The following IQSEC1 variants were observed in gnomAD, a reference collection of about 807,000 sequenced individuals.
IQSEC1 encodes the protein IQ motif and SEC7 domain-containing protein 1.
Under a neutral mutation model 91.0 loss-of-function variants are expected in IQSEC1, and 31 were observed. The ratio of observed to expected loss-of-function variants is 0.34; its 90% CI spans 0.26 to 0.46. The LOEUF (loss-of-function observed/expected upper bound fraction) is 0.46, where lower values mean the gene tolerates loss of function less well. Ranked by LOEUF, IQSEC1 falls within the 20% of genes least tolerant of loss-of-function variation. The pLI is 1.00. For synonymous variants in IQSEC1, 699 were observed against 662.6 expected (o/e 1.05, Z -0.84); for missense variants, 1,388 against 1,575.6 (o/e 0.88, Z 2.02).
At chr3:13,004,480 C>A (rs1702550619) in intron 1 of IQSEC1, among the ~76,000 whole-genome samples, 1 of 152,132 alleles carries the variant, frequency 6.6e-6, no homozygotes, top group Admixed American at 6.5e-5. Context: ...AGATCTGGAG[C>A]CTTGGAGGGC....
intron 2 of IQSEC1, among the ~76,000 whole-genome samples, chr3:13,100,929 C>T (rs1248044736): frequency 6.7e-6 from 1 of 148,406 alleles, no homozygotes; most frequent in Non-Finnish European, 1.5e-5. Context: ...GAGGGCCTCC[C>T]CGAGAGGCAA....
At chr3:13,186,943 C>G (rs979533166) in intron 1 of IQSEC1, among the ~76,000 whole-genome samples, 1 of 152,148 alleles carries the variant, frequency 6.6e-6, no homozygotes, top group African/African-American at 2.4e-5. Context: ...TGCCCTTCCT[C>G]TCTTCCATGG....
chr3:12,989,626 C>T (rs1404542490), intron 1 of IQSEC1, among the ~76,000 whole-genome samples: 1 of 152,204 alleles, frequency 6.6e-6, no homozygotes, highest in Non-Finnish European at 1.5e-5. Context: ...CCATCCATGA[C>T]TCTGAAGCCC....
chr3:13,100,711 C>T (rs1343229724), intron 2 of IQSEC1, among the ~76,000 whole-genome samples: 1 of 149,052 alleles, frequency 6.7e-6, no homozygotes, highest in Non-Finnish European at 1.5e-5. Flanking sequence ...GAATTCCTGC[C>T]GAGCCTCACA....
chr3:13,013,241 C>T (rs1702971719), intron 1 of IQSEC1, among the ~76,000 whole-genome samples: 1 of 152,212 alleles, frequency 6.6e-6, no homozygotes, highest in African/African-American at 2.4e-5. Context: ...CTCTTAACCA[C>T]AGCCTGACCA....
intron 2 of IQSEC1, among the ~76,000 whole-genome samples, chr3:13,123,175 G>A (rs1294661644): frequency 2.6e-5 from 4 of 152,250 alleles, no homozygotes; most frequent in Non-Finnish European, 5.9e-5. Context: ...TTGGTTTTGA[G>A]ATACTTGGCT....
chr3:13,001,506 G>A (rs1702423124), intron 1 of IQSEC1, among the ~76,000 whole-genome samples: 1 of 152,212 alleles, frequency 6.6e-6, no homozygotes, highest in Non-Finnish European at 1.5e-5. Flanking sequence ...TACACTGGAA[G>A]GTCCTGTGAT....
chr3:13,061,118 G>A (rs372369728), intron 1 of IQSEC1, among the ~76,000 whole-genome samples: 62 of 152,244 alleles, frequency 4.1e-4, no homozygotes, highest in Middle Eastern at 3.4e-3. Context: ...CTGAGAAGTT[G>A]CTCTTGCTCA....
chr3:13,075,792 C>T (rs1032506974), upstream of IQSEC1, among the ~76,000 whole-genome samples: 4 of 152,102 alleles, frequency 2.6e-5, no homozygotes, highest in South Asian at 2.1e-4. Context: ...TATCCAGCGC[C>T]GGACCAGGCA....
At chr3:12,931,587 G>C (rs958135412) in intron 3 of IQSEC1, among the ~76,000 whole-genome samples, 3 of 152,210 alleles carry the variant, frequency 2.0e-5, no homozygotes, top group African/African-American at 7.2e-5. Context: ...TAAACACAAG[G>C]AGCACAGAGC....
intron 2 of IQSEC1, among the ~76,000 whole-genome samples, chr3:13,141,687 G>A (rs1050661721): frequency 3.9e-5 from 6 of 152,156 alleles, no homozygotes; most frequent in Admixed American, 1.3e-4. Context: ...ATCCCTCAGA[G>A]GGACCCCTCC....
rs1462852404 is a variant in IQSEC1 at position 13,227,736 on chromosome 3, G to A, written c.272+54975C>T. On this transcript the variant is annotated intron_variant, in intron 1 of 15. Transcript: ENST00000648114. ...GGGGCAGATTCCGAAGGGGTCCACC[G>A]TCATTCACTAGTGGCTGACAGGGGG... Among the ~76,000 whole-genome samples, 4 of 152,296 alleles carry A rather than the reference G, an allele frequency of 2.6e-5. No homozygotes were observed. The East Asian group carries it at 5.8e-4, about 22-fold the overall frequency.
At chr3:13,053,895 C>T (rs1057249393) in intron 1 of IQSEC1, among the ~76,000 whole-genome samples, 7 of 152,210 alleles carry the variant, frequency 4.6e-5, no homozygotes, top group African/African-American at 1.7e-4. Flanking sequence ...AATTATCCAC[C>T]ATTCCAACTC....
chr3:12,921,815 T>C (rs1445623638), intron 5 of IQSEC1, among the ~76,000 whole-genome samples: 2 of 152,228 alleles, frequency 1.3e-5, no homozygotes, highest in Admixed American at 6.5e-5. Context: ...AGAATCCTGA[T>C]GTGAACAGCC....
At chr3:13,209,986 C>T (rs1485861544) in intron 1 of IQSEC1, among the ~76,000 whole-genome samples, 1 of 152,110 alleles carries the variant, frequency 6.6e-6, no homozygotes, top group African/African-American at 2.4e-5. Flanking sequence ...GTGGGAGGCT[C>T]AGGAGTCTCA....
At chr3:13,172,334 C>G (rs944292053) in intron 1 of IQSEC1, among the ~76,000 whole-genome samples, 1 of 152,070 alleles carries the variant, frequency 6.6e-6, no homozygotes, top group Non-Finnish European at 1.5e-5. Flanking sequence ...TTTTCACAAA[C>G]AGGTGTTGAA....
chr3:13,134,079 G>A (rs1306720026), intron 2 of IQSEC1, among the ~76,000 whole-genome samples: 2 of 152,224 alleles, frequency 1.3e-5, no homozygotes, highest in African/African-American at 4.8e-5. Context: ...AAGAAAAAAG[G>A]TATCAAGACC....
At chr3:13,127,022 T>C (rs1027412092) in intron 2 of IQSEC1, among the ~76,000 whole-genome samples, 1 of 152,246 alleles carries the variant, frequency 6.6e-6, no homozygotes, top group Non-Finnish European at 1.5e-5. Flanking sequence ...GATATCTAAA[T>C]TGCTTCAGAA....
chr3:13,281,729 C>G (rs1291531612), intron 1 of IQSEC1, among the ~76,000 whole-genome samples: 1 of 152,222 alleles, frequency 6.6e-6, no homozygotes, highest in African/African-American at 2.4e-5. Flanking sequence ...CTGGAAGGGC[C>G]GCCCAGCAGG....
Sources: allele counts gnomAD v4.1 joint callset (sites outside exome capture counted in the v4.1 genomes callset), GRCh38; gene constraint gnomAD v4.1.1; transcripts MANE v1.5; gene names NCBI Gene and HGNC (gene_info 2026-07-23, HGNC 2026-07-21).